The following KCNN3 variants were observed in gnomAD, a reference collection of about 807,000 sequenced individuals.
KCNN3 encodes potassium calcium-activated channel subfamily N member 3.
A neutral mutation model predicts 62.9 loss-of-function variants in KCNN3; 16 were observed. The observed-to-expected ratio is 0.25, with a 90% CI of 0.17 to 0.39. The LOEUF is 0.39. Among genes scored for constraint, KCNN3 ranks in the 10% least tolerant of loss-of-function variants. KCNN3 has a pLI of 1.00. For synonymous variants in KCNN3, 370 were observed against 389.2 expected, an observed-to-expected ratio of 0.95 and a Z score of 0.58; for missense variants, 599 against 949.4, an observed-to-expected ratio of 0.63 and a Z score of 4.85.
rs1176503689 is a variant in KCNN3, at chr1:154,699,628, T to G, written c.*8348A>C. On this transcript the variant is annotated 3_prime_UTR_variant, in exon 8 of 8. Transcript: ENST00000271915. The stretch of plus-strand genomic sequence containing the variant: ...TCCTTGCCCACCTTGGAGTGTTTCT[T>G]GTTGGTGCAATGAGTAAGAGAATTG... The G allele has an allele frequency of 1.3e-5, 2 of 152,210 alleles. No individual in the cohort carries two copies. Among genetic ancestry groups the G allele is most frequent in the African/African-American group, 4.8e-5 (2 of 41,446 alleles). The allele number at this position is 152,210 out of a possible 1,614,324, so 9.4% of individuals were successfully genotyped here. A position where few individuals can be genotyped will look rare whatever the true frequency, so the allele number is the denominator to read the frequency against.
intron 5 of KCNN3, among the ~76,000 whole-genome samples, chr1:154,715,461 AG>A (rs1233427060): frequency 2.6e-5 from 4 of 151,476 alleles, no homozygotes; most frequent in African/African-American, 9.7e-5. Flanking sequence ...GGAAAAAAAA[AG>A]GTGATTAAAA....
At chr1:154,791,950 T>C (rs1393184512) in intron 2 of KCNN3, among the ~76,000 whole-genome samples, 1 of 152,214 alleles carries the variant, frequency 6.6e-6, no homozygotes, top group Non-Finnish European at 1.5e-5. Context: ...TGTAAAAGCA[T>C]CCTTCTGCTT....
In KCNN3 at chr1:154,823,910, C is replaced by T. The variant is rs1042506086; in HGVS notation, c.934-1726G>A. On this transcript the variant is annotated intron_variant, in intron 1 of 7. Transcript: ENST00000271915. ...AGTGCCCAGGTCCATGCTCTCGGCC[C>T]CACTCTGTGTGCTGAGATGGAATGA... 3.3e-5 allele frequency among the ~76,000 whole-genome samples: 5 copies of T among 152,166 alleles called. No homozygotes were observed. The East Asian group carries it at 7.7e-4, about 23-fold the overall frequency.
At chr1:154,770,733 A>G (rs1571258455) in intron 3 of KCNN3, among the ~76,000 whole-genome samples, 2 of 152,194 alleles carry the variant, frequency 1.3e-5, no homozygotes, top group East Asian at 3.9e-4. Context: ...TCTAACCTAG[A>G]TTTAGACTCC....
intron 5 of KCNN3, among the ~76,000 whole-genome samples, chr1:154,723,109 A>G (rs920087757): frequency 6.6e-6 from 1 of 152,196 alleles, no homozygotes; most frequent in Non-Finnish European, 1.5e-5. Context: ...CAGGCCAGGC[A>G]TCCCCAGGGG....
At chr1:154,868,431 G>T in intron 1 of KCNN3, 1 of 860,306 alleles carries the variant, frequency 1.2e-6, no homozygotes, top group Non-Finnish European at 1.4e-6. Flanking sequence ...TCTGAGAAGA[G>T]GAGGGAAACA....
intron 3 of KCNN3, among the ~76,000 whole-genome samples, chr1:154,766,548 T>C (rs1648297877): frequency 6.7e-6 from 1 of 149,212 alleles, no homozygotes; most frequent in Admixed American, 6.6e-5. Flanking sequence ...GGAACCACAG[T>C]GCCTGGCCCC....
At chr1:154,860,006 T>C (rs369245237) in intron 1 of KCNN3, 1 of 219,066 alleles carries the variant, frequency 4.6e-6, no homozygotes, top group African/African-American at 2.3e-5. Flanking sequence ...GGTTACCCTG[T>C]GCCCAGGGCT....
rs16836378 is a variant in KCNN3 at position 154,795,337 on chromosome 1, G to A, written c.1030-22944C>T. ...TGGTAGGCTGACTGCGTGAAAGAAC[G>A]CACTTTGCAAACATAAGAGCACACA... On this transcript the variant is annotated intron_variant, in intron 2 of 7. Coordinates refer to ENST00000271915, the MANE Select transcript of KCNN3 (RefSeq NM_002249.6). 2.9e-3 allele frequency among the ~76,000 whole-genome samples: 449 copies of A among 152,310 alleles called. 14 individuals carry two copies. In the East Asian group the frequency reaches 0.079, roughly 27 times the overall value.
intron 3 of KCNN3, among the ~76,000 whole-genome samples, chr1:154,766,441 T>TATATATATATATATATATATATAC (rs1648287978): frequency 5.3e-5 from 7 of 132,316 alleles, no homozygotes; most frequent in African/African-American, 2.7e-5. Flanking sequence ...TATATATATA[T>TATATATATATATATATATATATAC]ATGTAGAAGT....
intron 1 of KCNN3, among the ~76,000 whole-genome samples, chr1:154,848,242 G>A (rs1558005996): frequency 1.3e-5 from 2 of 152,036 alleles, no homozygotes; most frequent in Non-Finnish European, 1.5e-5. Flanking sequence ...GTGGCGAGTG[G>A]GCCACGACAG....
chr1:154,779,313 T>C (rs770279443), intron 2 of KCNN3, among the ~76,000 whole-genome samples: 2 of 152,250 alleles, frequency 1.3e-5, no homozygotes, highest in African/African-American at 2.4e-5. Context: ...GTCATGTGCC[T>C]ACTGTGCCCA....
intron 4 of KCNN3, among the ~76,000 whole-genome samples, chr1:154,730,138 A>G (rs1700562656): frequency 6.6e-6 from 1 of 152,200 alleles, no homozygotes. Flanking sequence ...CTTTCTCTCT[A>G]CTGTGTTGTC....
chr1:154,801,438 G>C (rs1265760858), intron 2 of KCNN3, among the ~76,000 whole-genome samples: 2 of 152,156 alleles, frequency 1.3e-5, no homozygotes, highest in African/African-American at 2.4e-5. Flanking sequence ...CAGAGAGCCT[G>C]TGCTGGCGGC....
At chr1:154,841,570 C>T (rs1651833415) in intron 1 of KCNN3, among the ~76,000 whole-genome samples, 2 of 152,304 alleles carry the variant, frequency 1.3e-5, no homozygotes, top group African/African-American at 4.8e-5. Context: ...GGTTAAGTCG[C>T]TTGCCTAAAG....
chr1:154,747,917 T>C (rs563737759), intron 3 of KCNN3, among the ~76,000 whole-genome samples: 1 of 152,234 alleles, frequency 6.6e-6, no homozygotes, highest in East Asian at 1.9e-4. Flanking sequence ...CGGAGGCCCC[T>C]TAGGCCTAGG....
chr1:154,748,002 T>G (rs1217698542), intron 3 of KCNN3, among the ~76,000 whole-genome samples: 1 of 152,162 alleles, frequency 6.6e-6, no homozygotes, highest in African/African-American at 2.4e-5. Flanking sequence ...TCTCCCTCAC[T>G]TCTCACCACC....
chr1:154,798,292 A>G (rs976604317), intron 2 of KCNN3, among the ~76,000 whole-genome samples: 5 of 152,236 alleles, frequency 3.3e-5, no homozygotes, highest in African/African-American at 1.2e-4. Context: ...ACCAGGCCCT[A>G]TGCCAGGTGC....
At chr1:154,721,373 C>T (rs893838808) in intron 5 of KCNN3, among the ~76,000 whole-genome samples, 2 of 149,568 alleles carry the variant, frequency 1.3e-5, no homozygotes, top group Non-Finnish European at 3.0e-5. Context: ...GATCTCAGCT[C>T]ACTGTAACCT....
Sources: allele counts gnomAD v4.1 joint callset (sites outside exome capture counted in the v4.1 genomes callset), GRCh38; gene constraint gnomAD v4.1.1; transcripts MANE v1.5; gene names NCBI Gene and HGNC (gene_info 2026-07-23, HGNC 2026-07-21).